Variants in TET2 observed in about 807,000 individuals in gnomAD.
The protein encoded by TET2 is tet methylcytosine dioxygenase 2, also known as methylcytosine dioxygenase TET2.
Under a neutral mutation model 142.9 loss-of-function variants are expected in TET2, and 299 were observed. The ratio of observed to expected loss-of-function variants is 2.09; its 90% CI spans 1.90 to 2.30. TET2 has a LOEUF of 2.30. TET2 is among the 30% of genes most tolerant of loss of function. TET2 has a pLI of 0.00. For missense variants in TET2, 2,418 were observed against 2,378.0 expected (o/e 1.02, Z -0.35); for synonymous variants, 819 against 849.0 (o/e 0.96, Z 0.61).
intron 1 of TET2, among the ~76,000 whole-genome samples, chr4:105,179,594 C>A (rs1447611242): frequency 6.6e-6 from 1 of 152,104 alleles, no homozygotes; most frequent in Non-Finnish European, 1.5e-5. Context: ...TGAAAAATAT[C>A]CTCTTCATTT....
Position 105,241,397 on chromosome 4 carries a change from T to G in TET2, c.3468T>G (p.Asn1156Lys). The G allele has an allele frequency of 6.4e-7, 1 of 1,550,826 alleles. No individual in the cohort carries two copies. Among genetic ancestry groups the G allele is most frequent in the Non-Finnish European group, 8.7e-7 (1 of 1,146,712 alleles). The change falls in exon 4 of 11, where the codon AAT becomes AAG. Residue 1156 changes from asparagine to lysine, a missense_variant. Coordinates refer to ENST00000380013, the MANE Select transcript of TET2 (RefSeq NM_001127208.3). Reference protein sequence around the residue: ...PFYTHLGAGPNVAAIREIMEE... With the variant: ...PFYTHLGAGPKVAAIREIMEE... Reference sequence around the variant, plus strand: ...ATACCCATCTAGGAGCAGGTCCTAATGTGGCAGCTATTAGAGAAATCATGG... The same window carrying G: ...ATACCCATCTAGGAGCAGGTCCTAAGGTGGCAGCTATTAGAGAAATCATGG...
rs587778708 is a variant in TET2, at chr4:105,235,761, G to A, written c.1819G>A (p.Gly607Arg). The stretch of plus-strand genomic sequence containing the variant: ...TCAAATGACCTCCAAACAATACACT[G>A]GAAATTCCAACATGCCTGGGGGGCT... ...SNQMTSKQYT[G>R]NSNMPGGLPR... Residue 607 changes from glycine (G) to arginine (R), a missense_variant, in exon 3 of 11, where the codon GGA becomes AGA. Gly to Arg is a moderately radical substitution (Grantham distance 125). Coordinates refer to ENST00000380013, the MANE Select transcript of TET2 (RefSeq NM_001127208.3). The A allele has an allele frequency of 6.2e-7, 1 of 1,614,004 alleles. No individual in the cohort carries two copies. Among genetic ancestry groups the A allele is most frequent in the Non-Finnish European group, 8.5e-7 (1 of 1,180,024 alleles).
At chr4:105,261,904 C>A in intron 8 of TET2, 56 bp downstream of exon 8, 2 of 1,001,728 alleles carry the variant, frequency 2.0e-6, no homozygotes, top group South Asian at 1.5e-5. Context: ...TACTAATGAC[C>A]TATGTCCAAA....
intron 2 of TET2, among the ~76,000 whole-genome samples, chr4:105,212,011 C>A (rs1727193097): frequency 1.3e-5 from 2 of 152,134 alleles, no homozygotes; most frequent in Non-Finnish European, 2.9e-5. Context: ...AACAGTATGC[C>A]AATGTAGGAA....
Position 105,203,710 on chromosome 4 carries a change from C to T in TET2, c.-47+13205C>T, listed in dbSNP as rs540939134. On this transcript the variant is annotated intron_variant, in intron 2 of 10. Transcript: ENST00000380013. ...CTTAACATAGCACAATGCTGCCATA[C>T]GGTAGGTAATACCAAGACAAATCAG... Among the ~76,000 whole-genome samples, 11 of 152,184 alleles carry T rather than the reference C, an allele frequency of 7.2e-5. 1 individual carries two copies. The South Asian group carries it at 1.7e-3, about 23-fold the overall frequency.
At chr4:105,160,891 T>C (rs1723818483) in intron 1 of TET2, among the ~76,000 whole-genome samples, 1 of 152,136 alleles carries the variant, frequency 6.6e-6, no homozygotes. Context: ...ATTCTCTGCC[T>C]CAGGCTTCGG....
rs766713781 is a variant in TET2, at chr4:105,234,719, G to A, written c.777G>A (p.Glu259=). 6 of 1,613,942 alleles carry A rather than the reference G, an allele frequency of 3.7e-6. No homozygotes were observed. In the East Asian group the frequency reaches 1.3e-4, roughly 36 times the overall value. The part of the protein sequence containing the change: ...INAINSQATN[E]LSCEITHPSH... ...CCATTAACAGTCAGGCTACTAATGA[G>A]TTGTCCTGTGAGATCACTCACCCAT... Residue 259 remains glutamate, a synonymous_variant, in exon 3 of 11, where the codon GAG becomes GAA. Transcript: ENST00000380013.
At chr4:105,228,292 T>C (rs1408046413) in intron 2 of TET2, among the ~76,000 whole-genome samples, 1 of 152,146 alleles carries the variant, frequency 6.6e-6, no homozygotes, top group Non-Finnish European at 1.5e-5. Flanking sequence ...AACATATAAC[T>C]TTCCTGCCCT....
chr4:105,178,318 T>TA (rs1173422782), intron 1 of TET2, among the ~76,000 whole-genome samples: 1 of 152,170 alleles, frequency 6.6e-6, no homozygotes, highest in East Asian at 1.9e-4. Context: ...ATGCATATTA[T>TA]AAAGTGAAAG....
chr4:105,156,037 C>T (rs1205342222), intron 1 of TET2, among the ~76,000 whole-genome samples: 1 of 152,146 alleles, frequency 6.6e-6, no homozygotes, highest in Non-Finnish European at 1.5e-5. Context: ...TTCACTCTCT[C>T]TTGTTTCTCT....
chr4:105,259,774 G>C lies in TET2; in HGVS notation c.3954+5G>C. ...CTTGGGGATGACCCAAAAGAGGTTT[G>C]TTTACTTCCTGATGTATAATCGCTT... On this transcript the variant is annotated splice_donor_5th_base_variant and intron_variant, in intron 7 of 10. Coordinates refer to ENST00000380013, the MANE Select transcript of TET2 (RefSeq NM_001127208.3). 6.5e-7 allele frequency: 1 copy of C among 1,549,162 alleles called. No homozygotes were observed. The highest frequency in any genetic ancestry group is 8.7e-7 in the Non-Finnish European group (1 of 1,145,702).
At chr4:105,241,739 A>G in intron 4 of TET2, 1 of 1,256,224 alleles carries the variant, frequency 8.0e-7, no homozygotes, top group Non-Finnish European at 1.0e-6. Context: ...CTCCAACGAG[A>G]GGTCCCACTC....
At position 105,241,058 on chromosome 4, in the gene TET2, GT is replaced by G. The variant is rs142786189; in HGVS notation, c.3410-280del. The G allele has an allele frequency of 8.1e-3, 8,664 of 1,070,098 alleles. 542 individuals are homozygous for G. The African/African-American group carries it at 0.13, about 16-fold the overall frequency. The allele number at this position is 1,070,098 out of a possible 1,614,324, so 66.3% of individuals were successfully genotyped here. ...TATAATACATTCTAATTCCCTCACT[GT>G]ATTCTTTGTTTAGTTTCATTTATTT... On this transcript the variant is annotated intron_variant, in intron 3 of 10. Coordinates refer to ENST00000380013, the MANE Select transcript of TET2 (RefSeq NM_001127208.3).
intron 2 of TET2, among the ~76,000 whole-genome samples, chr4:105,217,855 A>G (rs1727587194): frequency 6.6e-6 from 1 of 152,020 alleles, no homozygotes; most frequent in African/African-American, 2.4e-5. Context: ...TCTCTAGTTT[A>G]TTAATACTGC....
At chr4:105,177,393 T>C (rs1724861955) in intron 1 of TET2, among the ~76,000 whole-genome samples, 2 of 152,242 alleles carry the variant, frequency 1.3e-5, no homozygotes, top group Admixed American at 1.3e-4. Flanking sequence ...TAAAGGACTA[T>C]TGTTCACAAT....
chr4:105,240,796 A>G, intron 3 of TET2: 5 of 1,079,664 alleles, frequency 4.6e-6, no homozygotes, highest in Non-Finnish European at 5.7e-6. Context: ...TCTAAAGTAC[A>G]TACTAATATG....
intron 8 of TET2, among the ~76,000 whole-genome samples, chr4:105,264,530 T>C (rs1730596921): frequency 6.6e-6 from 1 of 152,194 alleles, no homozygotes; most frequent in African/African-American, 2.4e-5. Context: ...AACTATTTTA[T>C]ACATTTCCTA....
At chr4:105,239,962 A>G (rs1235501560) in intron 3 of TET2, 3 of 241,234 alleles carry the variant, frequency 1.2e-5, no homozygotes, top group Admixed American at 1.1e-4. Context: ...GCCCAGGGAG[A>G]GGGAGAGAGC....
chr4:105,278,108 T>C lies in TET2; in HGVS notation c.*1589T>C, dbSNP rs1041354927. 6 of 187,330 alleles carry C rather than the reference T, an allele frequency of 3.2e-5. No individual in the cohort carries two copies. The highest frequency in any genetic ancestry group is 1.4e-4 in the African/African-American group (6 of 42,128). 11.6% of individuals were successfully genotyped at this position (187,330 alleles called of 1,614,324 possible). On this transcript the variant is annotated 3_prime_UTR_variant, in exon 11 of 11. Coordinates refer to ENST00000380013, the MANE Select transcript of TET2 (RefSeq NM_001127208.3). ...AAGAGTTGTATAGTAAATTAAATTGTAAACAAAACTTTTTTAATGCAATGC... is the reference window on the plus strand; with the variant it reads ...AAGAGTTGTATAGTAAATTAAATTGCAAACAAAACTTTTTTAATGCAATGC...
Sources: allele counts gnomAD v4.1 joint callset (sites outside exome capture counted in the v4.1 genomes callset), GRCh38; gene constraint gnomAD v4.1.1; transcripts MANE v1.5; gene names NCBI Gene and HGNC (gene_info 2026-07-23, HGNC 2026-07-21).